Variants in PIN4 observed in about 807,000 individuals in gnomAD.
PIN4 encodes the protein peptidylprolyl cis/trans isomerase, NIMA-interacting 4, also known as peptidyl-prolyl cis-trans isomerase NIMA-interacting 4.
Under a neutral mutation model 8.3 loss-of-function variants are expected in PIN4, and 3 were observed. The observed-to-expected ratio is 0.36, with a 90% CI of 0.16 to 0.93. The LOEUF (loss-of-function observed/expected upper bound fraction) is 0.93, where lower values mean the gene tolerates loss of function less well. PIN4 is among the 40% of genes least tolerant of loss of function. The pLI is 0.44. For missense variants in PIN4, 75 were observed against 100.6 expected (o/e 0.75, Z 1.09); for synonymous variants, 18 against 32.5 (o/e 0.55, Z 1.52).
chrX:72,187,363 C>T (rs2042708799), intron 2 of PIN4, among the ~76,000 whole-genome samples: 1 of 112,153 alleles, frequency 8.9e-6, no homozygotes. Context: ...TGCTATGTAA[C>T]AAGGCAATTT....
At chrX:72,250,318 C>T (rs949990260) in intron 3 of PIN4, among the ~76,000 whole-genome samples, 2 of 110,266 alleles carry the variant, frequency 1.8e-5, no homozygotes, top group African/African-American at 3.3e-5. Flanking sequence ...AAAAATCAGC[C>T]GGGCATGGTG....
chrX:72,256,509 C>A (rs747244601), intron 3 of PIN4, among the ~76,000 whole-genome samples: 1 of 111,218 alleles, frequency 9.0e-6, no homozygotes, highest in Non-Finnish European at 1.9e-5. Flanking sequence ...TTGGATGAAG[C>A]CTGAGGGCAC....
At chrX:72,225,558 A>C (rs1217135346) in intron 3 of PIN4, among the ~76,000 whole-genome samples, 1 of 112,526 alleles carries the variant, frequency 8.9e-6, no homozygotes, top group Non-Finnish European at 1.9e-5. Flanking sequence ...AAAGCAAAGC[A>C]TTCAACAAAT....
At chrX:72,239,048 G>A (rs1428983014) in intron 3 of PIN4, 2 of 606,540 alleles carry the variant, frequency 3.3e-6, no homozygotes, top group African/African-American at 4.5e-5. Flanking sequence ...CCGTGGAGAG[G>A]GACACAGCCA....
rs537510044 is a variant in PIN4, at chrX:72,213,284, G to A, written c.312+16380G>A. On this transcript the variant is annotated intron_variant, in intron 3 of 3. Coordinates refer to the PIN4 transcript ENST00000423432. ...ACTCAGCTCACACCCAACCAATCAG[G>A]TAGTAAAGAGGGCTCACTGAAATAC... 8.0e-5 allele frequency among the ~76,000 whole-genome samples: 9 copies of A among 111,860 alleles called. No homozygotes were observed. The South Asian group carries it at 3.4e-3, about 42-fold the overall frequency.
intron 3 of PIN4, among the ~76,000 whole-genome samples, chrX:72,248,690 A>G (rs2043076425): frequency 1.8e-5 from 2 of 111,889 alleles, no homozygotes; most frequent in Non-Finnish European, 3.8e-5. Context: ...CAGCCAGGCC[A>G]ACATAGTGAA....
Position 72,197,720 on chromosome X carries a change from C to T in PIN4, c.*194C>T, listed in dbSNP as rs1017383723. ...GAGGGTGGGGCTAAGTGAATGTCAA[C>T]TGTAGTAGGTATTCAGTCAGTCTTT... On this transcript the variant is annotated 3_prime_UTR_variant, in exon 4 of 4. Transcript: ENST00000373669. The T allele has an allele frequency of 5.1e-6, 5 of 988,439 alleles. No homozygotes were observed. Among genetic ancestry groups the T allele is most frequent in the Admixed American group, 4.4e-5 (1 of 22,901 alleles). 81.5% of individuals were successfully genotyped at this position (988,439 alleles called of 1,213,427 possible). A position where few individuals can be genotyped will look rare whatever the true frequency, so the allele number is the denominator to read the frequency against.
chrX:72,213,863 CATCTTGGGAGCGGCCCACCACT>C (rs1326766072), intron 3 of PIN4, among the ~76,000 whole-genome samples: 1 of 111,531 alleles, frequency 9.0e-6, no homozygotes, highest in African/African-American at 3.3e-5. Flanking sequence ...GGCTTGCTGC[CATCTTGGGAGCGGCCCACCACT>C]ATCTTGGGAG....
intron 3 of PIN4, chrX:72,256,133 T>C (rs1177982004): frequency 9.0e-6 from 1 of 111,681 alleles, no homozygotes; most frequent in Non-Finnish European, 1.9e-5. Flanking sequence ...AGGTATTGTG[T>C]TGAGGAAAAA....
At chrX:72,227,435 A>C (rs769158354) in intron 3 of PIN4, among the ~76,000 whole-genome samples, 4 of 111,919 alleles carry the variant, frequency 3.6e-5, no homozygotes, top group Admixed American at 1.9e-4. Context: ...ACTGGGTTAC[A>C]CTTTTGCCTT....
intron 3 of PIN4, among the ~76,000 whole-genome samples, chrX:72,232,358 T>C (rs1303503423): frequency 1.2e-3 from 66 of 57,270 alleles, no homozygotes; most frequent in Admixed American, 5.0e-4. Flanking sequence ...CCAAGGCAGG[T>C]GGATCACTTG....
At chrX:72,239,815 C>T (rs973735957) in intron 3 of PIN4, among the ~76,000 whole-genome samples, 1 of 98,717 alleles carries the variant, frequency 1.0e-5, no homozygotes, top group Non-Finnish European at 2.0e-5. Context: ...CAGTGCCTCA[C>T]GCCTGTTATC....
chrX:72,213,451 G>A (rs1419623210), intron 3 of PIN4, among the ~76,000 whole-genome samples: 2 of 111,514 alleles, frequency 1.8e-5, no homozygotes, highest in African/African-American at 6.5e-5. Context: ...CCCATTGTAT[G>A]GGAGCTCTGT....
chrX:72,242,285 A>G (rs1455619603), intron 3 of PIN4, among the ~76,000 whole-genome samples: 1 of 112,011 alleles, frequency 8.9e-6, no homozygotes, highest in Non-Finnish European at 1.9e-5. Context: ...CCCTTTGGCT[A>G]TTGGATTTTC....
intron 3 of PIN4, among the ~76,000 whole-genome samples, chrX:72,244,943 G>A (rs1323639898): frequency 9.5e-6 from 1 of 105,760 alleles, no homozygotes; most frequent in Non-Finnish European, 1.9e-5. Flanking sequence ...GTGTGGTGGT[G>A]TGTGCTGTAG....
chrX:72,201,079 G>C (rs773815803), downstream of PIN4, among the ~76,000 whole-genome samples: 74 of 110,593 alleles, frequency 6.7e-4, 1 homozygote, highest in Non-Finnish European at 1.2e-3. Flanking sequence ...TGTGCCTGTA[G>C]TGTCTGCTCT....
chrX:72,196,661 T>A, intron 2 of PIN4, 124 bp from the exon 3 acceptor site: 1 of 534,873 alleles, frequency 1.9e-6, no homozygotes, highest in Non-Finnish European at 2.9e-6. Flanking sequence ...CTTCCAGGAT[T>A]TTTACTTGCT....
At chrX:72,185,620 C>G (rs771796190) in intron 1 of PIN4, among the ~76,000 whole-genome samples, 11 of 112,452 alleles carry the variant, frequency 9.8e-5, no homozygotes, top group Non-Finnish European at 1.3e-4. Context: ...CTTAATTCAA[C>G]TGTAATTCTT....
chrX:72,246,649 A>G (rs2043068358), intron 3 of PIN4, among the ~76,000 whole-genome samples: 1 of 111,568 alleles, frequency 9.0e-6, no homozygotes, highest in African/African-American at 3.3e-5. Flanking sequence ...CTCAAACTGA[A>G]CAACTTCCAG....
Sources: gnomAD v4.1 joint callset for allele counts (sites outside exome capture counted in the v4.1 genomes callset) on GRCh38, gnomAD v4.1.1 for gene constraint, MANE v1.5 for transcripts, NCBI Gene and HGNC (gene_info 2026-07-23, HGNC 2026-07-21) for gene names.